The following PHF8 variants were observed in gnomAD, a reference collection of about 807,000 sequenced individuals.
The protein encoded by PHF8 is PHD finger protein 8, also known as histone lysine demethylase PHF8.
Under a neutral mutation model 74.4 loss-of-function variants are expected in PHF8, and 9 were observed. The observed-to-expected ratio is 0.12, with a 90% confidence interval of 0.07 to 0.21. The LOEUF (loss-of-function observed/expected upper bound fraction) is 0.21, where lower values mean the gene tolerates loss of function less well. Ranked by LOEUF, PHF8 falls within the 10% of genes least tolerant of loss-of-function variation. The pLI, the probability that PHF8 is intolerant of heterozygous loss-of-function variation, is 1.00. For missense variants in PHF8, 478 were observed against 816.6 expected (o/e 0.59, Z 5.05); for synonymous variants, 311 against 316.6 (o/e 0.98, Z 0.19).
intron 17 of PHF8, 148 bp from the exon 18 acceptor site, chrX:53,985,375 GAATT>G: frequency 5.6e-6 from 3 of 531,668 alleles, no homozygotes; most frequent in Non-Finnish European, 9.5e-6. Flanking sequence ...GAAAAATTTG[GAATT>G]AAGTTTAAGG....
At chrX:54,001,195 G>A (rs1228141178) in intron 10 of PHF8, among the ~76,000 whole-genome samples, 3 of 111,338 alleles carry the variant, frequency 2.7e-5, no homozygotes, top group Admixed American at 9.6e-5. Flanking sequence ...GCACAGTGGC[G>A]CGTGCCTATA....
chrX:53,937,632 T>A lies in PHF8; in HGVS notation c.*1526A>T, dbSNP rs1221410479. ...GCAAATGGGCTAAAGGAACCCCTGA[T>A]TCCAAGGAAGGAAAGTAGAGGCAGG... On this transcript the variant is annotated 3_prime_UTR_variant, in exon 22 of 22. Transcript: ENST00000338154. The A allele has an allele frequency of 1.1e-5, 2 of 180,984 alleles. No homozygotes were observed. The highest frequency in any genetic ancestry group is 2.1e-5 in the Non-Finnish European group (2 of 96,957). The allele number at this position is 180,984 out of a possible 1,213,427, so 14.9% of individuals were successfully genotyped here. A position where few individuals can be genotyped will look rare whatever the true frequency, so the allele number is the denominator to read the frequency against.
chrX:53,956,675 C>CGT (rs376217153), intron 19 of PHF8, among the ~76,000 whole-genome samples: 15,275 of 97,343 alleles, frequency 0.16, 986 homozygotes, highest in African/African-American at 0.19. Flanking sequence ...AAAATATGTG[C>CGT]GTGTGTGTGT....
intron 19 of PHF8, among the ~76,000 whole-genome samples, chrX:53,956,391 G>T (rs782698913): frequency 8.9e-6 from 1 of 111,738 alleles, no homozygotes; most frequent in African/African-American, 3.2e-5. Context: ...CAGTACACAT[G>T]GCAAAGAAAG....
At chrX:53,979,475 T>C (rs782400991) in intron 18 of PHF8, among the ~76,000 whole-genome samples, 4 of 112,048 alleles carry the variant, frequency 3.6e-5, no homozygotes, top group Non-Finnish European at 7.5e-5. Context: ...ACTCAAGATG[T>C]TGAATACAGA....
intron 19 of PHF8, among the ~76,000 whole-genome samples, chrX:53,959,367 C>T (rs909117346): frequency 9.8e-5 from 11 of 111,780 alleles, no homozygotes; most frequent in African/African-American, 3.6e-4. Context: ...ACTTTGCATC[C>T]TTGCGGCAAA....
chrX:54,044,442 G>A lies in PHF8; in HGVS notation c.-773C>T. The A allele has an allele frequency of 2.7e-6, 2 of 752,099 alleles. No individual in the cohort carries two copies. Among genetic ancestry groups the A allele is most frequent in the Non-Finnish European group, 3.1e-6 (2 of 636,784 alleles). The allele number at this position is 752,099 out of a possible 1,213,427, so 62.0% of individuals were successfully genotyped here. A position where few individuals can be genotyped will look rare whatever the true frequency, so the allele number is the denominator to read the frequency against. Reference sequence around the variant, plus strand: ...GCGGCGCTACCCAGACAACCAAGGCGACCGCCATCTTATGAGGGCTGGACT... The same window carrying A: ...GCGGCGCTACCCAGACAACCAAGGCAACCGCCATCTTATGAGGGCTGGACT... On this transcript the variant is annotated 5_prime_UTR_variant, in exon 1 of 22. Transcript: ENST00000338154.
intron 2 of PHF8, among the ~76,000 whole-genome samples, chrX:54,031,201 T>A (rs1255007197): frequency 9.0e-6 from 1 of 111,313 alleles, no homozygotes; most frequent in East Asian, 2.8e-4. Flanking sequence ...CACTCCAAAA[T>A]GGACACTCAA....
At chrX:53,993,526 A>C in intron 13 of PHF8, 75 bp downstream of exon 13, 1 of 900,997 alleles carries the variant, frequency 1.1e-6, no homozygotes, top group Non-Finnish European at 1.6e-6. Context: ...CAGACAGGAT[A>C]GCCTGCTTTT....
In PHF8 at chrX:53,977,945, C is replaced by CT. The variant is rs1319452833; in HGVS notation, c.2443+6968dup. On this transcript the variant is annotated intron_variant, in intron 18 of 21. Transcript: ENST00000338154. ...ACAGGCGTCAGCCACTGCGCCCGGC[C>CT]TTTTTTTTTTTTTTTTTGAGATGGA... Among the ~76,000 whole-genome samples the CT allele has an allele frequency of 7.2e-3, 643 of 89,881 alleles. 5 individuals carry two copies. Among genetic ancestry groups the CT allele is most frequent in the African/African-American group, 0.012 (299 of 24,420 alleles). The allele number at this position is 89,881 out of a possible 115,157, so 78.1% of individuals were successfully genotyped here.
intron 8 of PHF8, among the ~76,000 whole-genome samples, chrX:54,008,282 G>C (rs781886237): frequency 9.3e-6 from 1 of 107,410 alleles, no homozygotes; most frequent in East Asian, 2.9e-4. Flanking sequence ...CCAGAGAATC[G>C]CTTGAACCTG....
intron 18 of PHF8, among the ~76,000 whole-genome samples, chrX:53,977,462 CAG>C (rs782349180): frequency 1.8e-3 from 205 of 112,107 alleles, no homozygotes; most frequent in African/African-American, 6.5e-3. Flanking sequence ...GGCAAACACA[CAG>C]AAAGTTGTTT....
chrX:53,940,048 A>G (rs1204215278), intron 21 of PHF8, 132 bp downstream of exon 21: 4 of 503,740 alleles, frequency 7.9e-6, no homozygotes, highest in Non-Finnish European at 1.4e-5. Context: ...TCCATGGCCC[A>G]TAAGATCAAA....
intron 14 of PHF8, among the ~76,000 whole-genome samples, chrX:53,989,823 G>A (rs1226506207): frequency 8.9e-6 from 1 of 112,033 alleles, no homozygotes; most frequent in African/African-American, 3.2e-5. Context: ...CTCATACAGA[G>A]CTTGATCCAT....
At chrX:53,964,618 C>T (rs782810373) in intron 18 of PHF8, among the ~76,000 whole-genome samples, 7 of 111,400 alleles carry the variant, frequency 6.3e-5, no homozygotes, top group Non-Finnish European at 1.3e-4. Flanking sequence ...GTAATCCCTG[C>T]ACTCTGGGAG....
chrX:53,970,676 A>G (rs1203088240), intron 18 of PHF8, among the ~76,000 whole-genome samples: 1 of 111,489 alleles, frequency 9.0e-6, no homozygotes, highest in Non-Finnish European at 1.9e-5. Flanking sequence ...GAAAAACAGA[A>G]AACAGCAGGG....
chrX:54,042,592 G>C (rs782271795), intron 2 of PHF8, 39 bp downstream of exon 2: 1 of 1,129,553 alleles, frequency 8.9e-7, no homozygotes. Flanking sequence ...GAACACACCT[G>C]GCCACCGCAC....
intron 2 of PHF8, among the ~76,000 whole-genome samples, chrX:54,030,267 A>G (rs1337414166): frequency 9.0e-6 from 1 of 111,418 alleles, no homozygotes; most frequent in African/African-American, 3.3e-5. Flanking sequence ...ACAACTCCTC[A>G]TATCAGGGAG....
intron 6 of PHF8, 94 bp downstream of exon 6, chrX:54,016,493 CAAAAAAAA>C (rs782287041): frequency 1.7e-6 from 1 of 599,924 alleles, no homozygotes. Flanking sequence ...GACTCTGTCT[CAAAAAAAA>C]AAAAAAAGAG....
Sources: allele counts gnomAD v4.1 joint callset (sites outside exome capture counted in the v4.1 genomes callset), GRCh38; gene constraint gnomAD v4.1.1; transcripts MANE v1.5; gene names NCBI Gene and HGNC (gene_info 2026-07-23, HGNC 2026-07-21).